CDH9: variants seen among roughly 807,000 people sequenced by gnomAD.
CDH9 encodes cadherin-9.
In CDH9, 28 loss-of-function variants were observed where a neutral mutation model predicts 70.9. That is an observed-to-expected ratio of 0.40 (90% confidence interval 0.29 to 0.54). The LOEUF is 0.54. CDH9 is among the 20% of genes least tolerant of loss of function. The pLI, the probability that CDH9 is intolerant of heterozygous loss-of-function variation, is 0.59. For missense variants in CDH9, 874 were observed against 984.4 expected (o/e 0.89, Z 1.50); for synonymous variants, 409 against 343.1 (o/e 1.19, Z -2.12).
At chr5:26,989,239 A>C (rs570634029) in intron 1 of CDH9, among the ~76,000 whole-genome samples, 1 of 152,040 alleles carries the variant, frequency 6.6e-6, no homozygotes, top group African/African-American at 2.4e-5. Flanking sequence ...ATCATTGTTC[A>C]CTTGGTATTT....
intron 1 of CDH9, among the ~76,000 whole-genome samples, chr5:27,013,349 C>G (rs1423979303): frequency 6.6e-6 from 1 of 151,940 alleles, no homozygotes; most frequent in Non-Finnish European, 1.5e-5. Context: ...CTGGTGCTGC[C>G]TGATCCATGA....
chr5:27,024,834 A>C (rs1299023208), intron 1 of CDH9, among the ~76,000 whole-genome samples: 2 of 152,106 alleles, frequency 1.3e-5, no homozygotes, highest in African/African-American at 4.8e-5. Flanking sequence ...TCTACTCTGT[A>C]GCTGAAAACA....
intron 2 of CDH9, among the ~76,000 whole-genome samples, chr5:26,954,928 G>C (rs1294548732): frequency 6.6e-6 from 1 of 152,258 alleles, no homozygotes; most frequent in East Asian, 1.9e-4. Flanking sequence ...CACAATTTAG[G>C]AGAGTCTGAG....
chr5:26,883,432 T>C (rs1232947668), intron 11 of CDH9, among the ~76,000 whole-genome samples: 1 of 151,758 alleles, frequency 6.6e-6, no homozygotes, highest in Non-Finnish European at 1.5e-5. Flanking sequence ...CTGGGGCACG[T>C]GAACAGAATT....
intron 1 of CDH9, among the ~76,000 whole-genome samples, chr5:27,022,351 G>C (rs184763164): frequency 1.6e-4 from 25 of 152,020 alleles, no homozygotes; most frequent in Admixed American, 5.9e-4. Context: ...AAAATTGTCA[G>C]ACTGACATGT....
At chr5:26,954,307 C>T (rs1421739343) in intron 2 of CDH9, among the ~76,000 whole-genome samples, 2 of 150,860 alleles carry the variant, frequency 1.3e-5, no homozygotes, top group East Asian at 3.9e-4. Context: ...ATGCTTCCTT[C>T]ATTTGTGATT....
rs562601110 is a variant in CDH9, at chr5:27,036,105, C to A, written c.-50+2358G>T. ...CTCTAAAGCATTCTTATTAACTACACCCATATACTGTAGAAATATTGTGGG... is the reference window on the plus strand; with the variant it reads ...CTCTAAAGCATTCTTATTAACTACAACCATATACTGTAGAAATATTGTGGG... On this transcript the variant is annotated intron_variant, in intron 1 of 11. Coordinates refer to ENST00000231021, the MANE Select transcript of CDH9 (RefSeq NM_016279.4). Among the ~76,000 whole-genome samples, 75 of 151,912 alleles carry A rather than the reference C, an allele frequency of 4.9e-4. 3 individuals carry two copies. In the South Asian group the frequency reaches 0.015, roughly 31 times the overall value.
chr5:27,002,756 A>T (rs999992451), intron 1 of CDH9, among the ~76,000 whole-genome samples: 9 of 151,306 alleles, frequency 5.9e-5, no homozygotes, highest in African/African-American at 2.2e-4. Flanking sequence ...AACATCACAT[A>T]CCAGGGCCTG....
At chr5:27,005,288 C>A (rs1475768973) in intron 1 of CDH9, among the ~76,000 whole-genome samples, 1 of 151,826 alleles carries the variant, frequency 6.6e-6, no homozygotes, top group Non-Finnish European at 1.5e-5. Flanking sequence ...CTAGGCAATA[C>A]CATCCTGGAC....
chr5:27,026,130 A>G (rs1215738664), intron 1 of CDH9, among the ~76,000 whole-genome samples: 1 of 151,950 alleles, frequency 6.6e-6, no homozygotes, highest in Non-Finnish European at 1.5e-5. Context: ...TGAACATTAT[A>G]TCATATTGGA....
At chr5:26,906,866 A>T in intron 3 of CDH9, 28 bp from the exon 4 acceptor site, 1 of 1,575,346 alleles carries the variant, frequency 6.3e-7, no homozygotes, top group Non-Finnish European at 8.7e-7. Flanking sequence ...CCCCAAACAG[A>T]GACATTTACA....
chr5:26,978,729 A>G (rs1742346327), intron 2 of CDH9, among the ~76,000 whole-genome samples: 1 of 151,874 alleles, frequency 6.6e-6, no homozygotes, highest in Non-Finnish European at 1.5e-5. Context: ...AGATATAAAT[A>G]GAACTTTAAA....
intron 1 of CDH9, chr5:27,028,421 T>C (rs1026505378): frequency 1.3e-5 from 2 of 151,840 alleles, no homozygotes; most frequent in Non-Finnish European, 2.9e-5. Flanking sequence ...TACCCTAGAC[T>C]CCTCTTTCTG....
At chr5:27,011,875 AT>A (rs907284078) in intron 1 of CDH9, among the ~76,000 whole-genome samples, 1 of 151,798 alleles carries the variant, frequency 6.6e-6, no homozygotes, top group Non-Finnish European at 1.5e-5. Flanking sequence ...TCTGTTTCTT[AT>A]TTTTTTCCCT....
At chr5:26,967,421 C>T (rs145120449) in intron 2 of CDH9, among the ~76,000 whole-genome samples, 4 of 152,154 alleles carry the variant, frequency 2.6e-5, no homozygotes, top group African/African-American at 4.8e-5. Flanking sequence ...TGGATTACTC[C>T]TCTGGAAATT....
chr5:26,954,699 T>G (rs912590960), intron 2 of CDH9, among the ~76,000 whole-genome samples: 1 of 152,138 alleles, frequency 6.6e-6, no homozygotes, highest in African/African-American at 2.4e-5. Context: ...ACAGCCTTTT[T>G]TTTATTCTTG....
chr5:27,028,948 C>T (rs1438547347), intron 1 of CDH9, among the ~76,000 whole-genome samples: 1 of 151,716 alleles, frequency 6.6e-6, no homozygotes, highest in Non-Finnish European at 1.5e-5. Context: ...GAATTGTTGG[C>T]CACGTGAACA....
intron 7 of CDH9, among the ~76,000 whole-genome samples, chr5:26,900,106 G>C (rs2111984764): frequency 6.6e-6 from 1 of 151,918 alleles, no homozygotes; most frequent in Non-Finnish European, 1.5e-5. Flanking sequence ...CAAATTCCCT[G>C]AGAGATAAAA....
At chr5:26,918,632 G>GT (rs1741190084) in intron 2 of CDH9, among the ~76,000 whole-genome samples, 1 of 152,160 alleles carries the variant, frequency 6.6e-6, no homozygotes. Context: ...CCTCAGTATG[G>GT]GTGACTAGTC....
Sources: allele counts gnomAD v4.1 joint callset (sites outside exome capture counted in the v4.1 genomes callset), GRCh38; gene constraint gnomAD v4.1.1; transcripts MANE v1.5; gene names NCBI Gene and HGNC (gene_info 2026-07-23, HGNC 2026-07-21).